The following ZNF560 variants were observed in gnomAD, a reference collection of about 807,000 sequenced individuals.
ZNF560 encodes zinc finger protein 560.
Under a neutral mutation model 81.8 loss-of-function variants are expected in ZNF560, and 54 were observed. That is an observed-to-expected ratio of 0.66 (90% CI 0.53 to 0.83). The LOEUF is 0.83. ZNF560 is among the 40% of genes least tolerant of loss of function. The pLI is 0.00. For synonymous variants in ZNF560, 321 were observed against 317.9 expected (o/e 1.01, Z -0.10); for missense variants, 940 against 932.4 (o/e 1.01, Z -0.11).
chr19:9,449,250 C>T, the ZNF560 span, among the ~76,000 whole-genome samples: 2 of 152,168 alleles, frequency 1.3e-5, no homozygotes, highest in African/African-American at 2.4e-5. Flanking sequence ...AGCCATAAAG[C>T]AAGTCTCAAT....
chr19:9,479,076 G>T (rs973906032), intron 2 of ZNF560, among the ~76,000 whole-genome samples: 1 of 151,802 alleles, frequency 6.6e-6, no homozygotes. Flanking sequence ...TGAGGCAGGA[G>T]AATCACTTGA....
chr19:9,501,327 TTGTGTG>T (rs71185606), upstream of ZNF560, among the ~76,000 whole-genome samples: 17,313 of 108,804 alleles, frequency 0.16, 1,525 homozygotes, highest in Admixed American at 0.23. Context: ...CCTGGCTACT[TTGTGTG>T]TGTGTGTGTG....
intron 2 of ZNF560, among the ~76,000 whole-genome samples, chr19:9,477,584 T>A (rs187786256): frequency 6.6e-6 from 1 of 152,372 alleles, no homozygotes; most frequent in Admixed American, 6.5e-5. Flanking sequence ...TTCAGAGTTC[T>A]GCCCATTGCT....
chr19:9,506,671 A>T, the ZNF560 span, among the ~76,000 whole-genome samples: 1 of 151,462 alleles, frequency 6.6e-6, no homozygotes, highest in South Asian at 2.1e-4. Context: ...TTTTATGTTT[A>T]TTTGTTTATT....
upstream of ZNF560, among the ~76,000 whole-genome samples, chr19:9,503,537 T>C (rs2073648454): frequency 6.6e-6 from 1 of 152,140 alleles, no homozygotes; most frequent in African/African-American, 2.4e-5. Context: ...AATTACTTTG[T>C]TTTTTGATAT....
chr19:9,488,944 C>G (rs1263989407), intron 2 of ZNF560, among the ~76,000 whole-genome samples: 1 of 152,184 alleles, frequency 6.6e-6, no homozygotes, highest in African/African-American at 2.4e-5. Flanking sequence ...CTCATTCTCC[C>G]TTGCTCCTGG....
rs34316228 is a variant in ZNF560, at chr19:9,475,607, C to CTTTT, written c.-56-242_-56-239dup. ...TATCCTCATTGCACAGGTAAAGAAA[C>CTTTT]TTTTTTTTTTTTTTTTGGAGATGGA... On this transcript the variant is annotated intron_variant, in intron 2 of 9. Transcript: ENST00000301480. Among the ~76,000 whole-genome samples, 24 of 139,970 alleles carry CTTTT rather than the reference C, an allele frequency of 1.7e-4. 1 individual carries two copies. The highest frequency in any genetic ancestry group is 6.2e-4 in the African/African-American group (23 of 37,378). The allele number at this position is 139,970 out of a possible 152,430, so 91.8% of individuals were successfully genotyped here.
At position 9,468,142 on chromosome 19, in the gene ZNF560, T is replaced by C. The variant is rs766994516; in HGVS notation, c.805A>G (p.Lys269Glu). Residue 269 changes from lysine to glutamate, a missense_variant, in exon 10 of 10, where the codon AAG becomes GAG. Lys to Glu is a moderately conservative substitution (Grantham distance 56). Transcript: ENST00000301480. ...ATCAGGCGGAAAGATTTTCCATGCT[T>C]ACTGAACACAGAAACTTTCCTTATG... Reference protein sequence around the residue: ...STIRKVSVFSKHGKSFRLILN... With the variant: ...STIRKVSVFSEHGKSFRLILN... 1 of 1,614,114 alleles carries C rather than the reference T, an allele frequency of 6.2e-7. No homozygotes were observed. The highest frequency in any genetic ancestry group is 1.1e-5 in the South Asian group (1 of 91,058).
At position 9,467,483 on chromosome 19, in the gene ZNF560, A is replaced by G; in HGVS notation, c.1464T>C (p.Phe488=). 1.2e-6 allele frequency: 2 copies of G among 1,614,132 alleles called. No homozygotes were observed. Among genetic ancestry groups the G allele is most frequent in the Non-Finnish European group, 1.7e-6 (2 of 1,180,018 alleles). ...DRRSNTGQKR[F]DCDQCGKVFV... ...AGACTTTCCCACACTGGTCACAATCAAAGCGTTTCTGTCCTGTGTTACTTC... is the reference window on the plus strand; with the variant it reads ...AGACTTTCCCACACTGGTCACAATCGAAGCGTTTCTGTCCTGTGTTACTTC... Residue 488 remains phenylalanine (F), a synonymous_variant, in exon 10 of 10, where the codon TTT becomes TTC. Transcript: ENST00000301480.
downstream of ZNF560, among the ~76,000 whole-genome samples, chr19:9,464,088 C>T (rs779019976): frequency 3.9e-4 from 59 of 152,146 alleles, no homozygotes; most frequent in Non-Finnish European, 4.1e-4. Context: ...AATTGCTGTA[C>T]ATGATATAAC....
chr19:9,469,902 C>G, intron 7 of ZNF560, 192 bp from the exon 8 acceptor site: 1 of 548,940 alleles, frequency 1.8e-6, no homozygotes, highest in Non-Finnish European at 3.2e-6. Context: ...TAACTCATTT[C>G]CTGTTTGCCC....
chr19:9,446,365 TACACACACACACAC>T, the ZNF560 span, among the ~76,000 whole-genome samples: 10,387 of 145,170 alleles, frequency 0.072, 405 homozygotes, highest in African/African-American at 0.096. Flanking sequence ...TGCCAAGTCA[TACACACACACACAC>T]ACACACACAC....
the ZNF560 span, among the ~76,000 whole-genome samples, chr19:9,455,079 A>T: frequency 6.6e-6 from 1 of 152,118 alleles, no homozygotes; most frequent in East Asian, 1.9e-4. Flanking sequence ...CCTCAGTTCT[A>T]TTCAGGCAGG....
rs1568449201 is a variant in ZNF560, at chr19:9,467,008, AATG to A, written c.1936_1938del (p.His646del). ...GGTTTATATCCAGTGTGAGTTCTTA[AATG>A]ATCAACTAGACTGGAGGAGACAACA... On this transcript the variant is annotated inframe_deletion, in exon 10 of 10. Transcript: ENST00000301480. 1 of 1,613,222 alleles carries A rather than the reference AATG, an allele frequency of 6.2e-7. No individual in the cohort carries two copies. Among genetic ancestry groups the A allele is most frequent in the Non-Finnish European group, 8.5e-7 (1 of 1,179,794 alleles).
At chr19:9,497,510 G>A (rs1019062701) in intron 2 of ZNF560, among the ~76,000 whole-genome samples, 1 of 148,132 alleles carries the variant, frequency 6.8e-6, no homozygotes, top group African/African-American at 2.5e-5. Flanking sequence ...ACTCCAGCCT[G>A]GGCGACACAG....
chr19:9,505,001 C>T, the ZNF560 span, among the ~76,000 whole-genome samples: 1 of 152,172 alleles, frequency 6.6e-6, no homozygotes, highest in Non-Finnish European at 1.5e-5. Flanking sequence ...AGGGGAATCG[C>T]TTGAACCTGG....
intron 2 of ZNF560, among the ~76,000 whole-genome samples, chr19:9,483,768 C>T (rs1432282159): frequency 4.6e-5 from 7 of 151,980 alleles, no homozygotes; most frequent in East Asian, 1.9e-4. Flanking sequence ...CCCCTCTGCC[C>T]GGCCGCCACC....
chr19:9,459,723 T>C, the ZNF560 span, among the ~76,000 whole-genome samples: 10 of 152,278 alleles, frequency 6.6e-5, no homozygotes, highest in African/African-American at 2.4e-4. Flanking sequence ...GAAAGGTAGC[T>C]GTGATGGTTT....
upstream of ZNF560, among the ~76,000 whole-genome samples, chr19:9,502,076 C>G (rs1451060426): frequency 1.3e-5 from 2 of 151,762 alleles, no homozygotes; most frequent in Admixed American, 1.3e-4. Context: ...ATCGCTTGAA[C>G]TCGGGAGGCG....
Sources: gnomAD v4.1 joint callset for allele counts (sites outside exome capture counted in the v4.1 genomes callset) on GRCh38, gnomAD v4.1.1 for gene constraint, MANE v1.5 for transcripts, NCBI Gene and HGNC (gene_info 2026-07-23, HGNC 2026-07-21) for gene names.